The following PHTF2 variants were observed in gnomAD, a reference collection of about 807,000 sequenced individuals.
PHTF2 encodes the protein putative homeodomain transcription factor 2.
Under a neutral mutation model 101.2 loss-of-function variants are expected in PHTF2, and 60 were observed. The observed-to-expected ratio is 0.59, with a 90% CI of 0.48 to 0.73. The LOEUF (loss-of-function observed/expected upper bound fraction) is 0.73. Ranked by LOEUF, PHTF2 falls within the 30% of genes least tolerant of loss-of-function variation. The pLI is 0.00. For synonymous variants in PHTF2, 311 were observed against 307.3 expected (o/e 1.01, Z -0.13); for missense variants, 747 against 908.7 (o/e 0.82, Z 2.29).
chr7:77,925,057 T>C (rs546916446), intron 11 of PHTF2, among the ~76,000 whole-genome samples: 2 of 152,176 alleles, frequency 1.3e-5, no homozygotes, highest in Non-Finnish European at 2.9e-5. Flanking sequence ...CTACAAATAT[T>C]GTTCAATTTT....
chr7:77,816,308 CAAGTGATCTGCCTGCCTCGGCCTCCCA>C (rs1282821314), intron 1 of PHTF2, among the ~76,000 whole-genome samples: 2 of 152,176 alleles, frequency 1.3e-5, no homozygotes, highest in East Asian at 1.9e-4. Flanking sequence ...CTCCTGACCT[CAAGTGATCTGCCTGCCTCGGCCTCCCA>C]AAGTGCTGGG....
At chr7:77,954,634 A>ATATATATGTATGTG (rs1806859839) in intron 19 of PHTF2, among the ~76,000 whole-genome samples, 1 of 145,474 alleles carries the variant, frequency 6.9e-6, no homozygotes, top group African/African-American at 2.5e-5. Context: ...ATATATATAT[A>ATATATATGTATGTG]TATATATATA....
chr7:77,861,127 ATTCT>A (rs1236726309), intron 3 of PHTF2, among the ~76,000 whole-genome samples: 1 of 151,906 alleles, frequency 6.6e-6, no homozygotes, highest in African/African-American at 2.4e-5. Context: ...TCTCTCCCTT[ATTCT>A]TTAATTTCTT....
At chr7:77,831,225 TC>T (rs1795053708) in intron 1 of PHTF2, among the ~76,000 whole-genome samples, 1 of 152,174 alleles carries the variant, frequency 6.6e-6, no homozygotes, top group African/African-American at 2.4e-5. Context: ...TTGGAGTTTT[TC>T]AAAAGAAAAA....
At chr7:77,908,931 C>G (rs200528794) in exon 8 of PHTF2, 209 of 1,611,100 alleles carry the variant, frequency 1.3e-4, no homozygotes, top group Non-Finnish European at 1.5e-4. Flanking sequence ...CCCAAACCTC[C>G]TCTAAGTACA....
At chr7:77,890,324 G>C (rs750016794) in intron 3 of PHTF2, among the ~76,000 whole-genome samples, 1 of 152,244 alleles carries the variant, frequency 6.6e-6, no homozygotes, top group East Asian at 1.9e-4. Flanking sequence ...ACTGAACCTA[G>C]TTATGCCAAG....
chr7:77,954,007 G>T (rs549836182), intron 19 of PHTF2, 113 bp downstream of exon 18: 7 of 742,838 alleles, frequency 9.4e-6, no homozygotes, highest in African/African-American at 8.9e-5. Context: ...TGCAATTATT[G>T]AACATTTCAC....
At chr7:77,888,554 T>C (rs1382130222) in intron 3 of PHTF2, among the ~76,000 whole-genome samples, 5 of 152,184 alleles carry the variant, frequency 3.3e-5, no homozygotes, top group African/African-American at 4.8e-5. Context: ...GTATCAAAAA[T>C]TTCGAAGTCG....
intron 3 of PHTF2, among the ~76,000 whole-genome samples, chr7:77,859,746 T>C (rs1797477876): frequency 6.6e-6 from 1 of 152,038 alleles, no homozygotes; most frequent in Non-Finnish European, 1.5e-5. Context: ...ATTTTTTTAT[T>C]TTAATTTACA....
chr7:77,920,670 T>A (rs950389426), intron 10 of PHTF2, among the ~76,000 whole-genome samples: 1 of 152,156 alleles, frequency 6.6e-6, no homozygotes, highest in Non-Finnish European at 1.5e-5. Flanking sequence ...TCTGAATTGA[T>A]GGCTTCAGTT....
At position 77,844,368 on chromosome 7, in the gene PHTF2, G is replaced by A. The variant is rs558493591; in HGVS notation, c.45+4068G>A. Among the ~76,000 whole-genome samples, 7 of 152,146 alleles carry A rather than the reference G, an allele frequency of 4.6e-5. No homozygotes were observed. The South Asian group carries it at 1.5e-3, about 32-fold the overall frequency. ...TATATTTATGATTTGAATACTGAAT[G>A]GCCAAAAACCATCACTTGATTTGTA... is the stretch of plus-strand genomic sequence containing the variant. On this transcript the variant is annotated intron_variant, in intron 2 of 19. Transcript: ENST00000416283.
At chr7:77,858,692 A>G (rs535990963) in intron 3 of PHTF2, among the ~76,000 whole-genome samples, 2 of 150,542 alleles carry the variant, frequency 1.3e-5, no homozygotes, top group South Asian at 2.1e-4. Flanking sequence ...TTACAGATAC[A>G]TATGTGTTGA....
At chr7:77,940,693 G>T (rs1216129096) in intron 15 of PHTF2, 34 bp downstream of exon 14, 1 of 1,494,994 alleles carries the variant, frequency 6.7e-7, no homozygotes, top group Admixed American at 1.9e-5. Flanking sequence ...GCTTTAACAT[G>T]CTGGCCCTTT....
chr7:77,924,241 C>G (rs1181681922), intron 11 of PHTF2: 1 of 517,940 alleles, frequency 1.9e-6, no homozygotes, highest in Non-Finnish European at 2.5e-6. Context: ...TTATAAATTA[C>G]TGTACTCTCT....
intron 2 of PHTF2, among the ~76,000 whole-genome samples, chr7:77,845,026 G>GT (rs1488630772): frequency 6.6e-6 from 1 of 152,172 alleles, no homozygotes; most frequent in Non-Finnish European, 1.5e-5. Flanking sequence ...AACCAGAATA[G>GT]TTTTTAGTTA....
At chr7:77,874,800 G>A (rs907581750) in intron 3 of PHTF2, among the ~76,000 whole-genome samples, 1 of 152,192 alleles carries the variant, frequency 6.6e-6, no homozygotes, top group African/African-American at 2.4e-5. Flanking sequence ...CATCACATAT[G>A]TGGTAAAATA....
chr7:77,945,660 G>T (rs2150985132), intron 16 of PHTF2, among the ~76,000 whole-genome samples: 1 of 152,132 alleles, frequency 6.6e-6, no homozygotes. Context: ...GTTTAATACT[G>T]GCACAATTGA....
At chr7:77,828,453 A>G (rs1002798855) in intron 1 of PHTF2, among the ~76,000 whole-genome samples, 3 of 152,210 alleles carry the variant, frequency 2.0e-5, no homozygotes, top group African/African-American at 7.2e-5. Flanking sequence ...TTTAAAAGAC[A>G]TATCAGGTGG....
At chr7:77,834,734 C>A (rs1795321119) in intron 1 of PHTF2, among the ~76,000 whole-genome samples, 2 of 152,230 alleles carry the variant, frequency 1.3e-5, no homozygotes, top group African/African-American at 4.8e-5. Context: ...GAACTTGGAT[C>A]TAGAACCCAA....
Sources: allele counts gnomAD v4.1 joint callset (sites outside exome capture counted in the v4.1 genomes callset), GRCh38; gene constraint gnomAD v4.1.1; transcripts MANE v1.5; gene names NCBI Gene and HGNC (gene_info 2026-07-23, HGNC 2026-07-21).